IGF2BP3: variants seen among roughly 807,000 people sequenced by gnomAD.
IGF2BP3 encodes insulin like growth factor 2 mRNA binding protein 3, also known as insulin-like growth factor 2 mRNA-binding protein 3.
In IGF2BP3, 9 loss-of-function variants were observed where a neutral mutation model predicts 73.8. The ratio of observed to expected loss-of-function variants is 0.12; its 90% CI spans 0.07 to 0.21. The LOEUF is 0.21. Among genes scored for constraint, IGF2BP3 ranks in the 10% least tolerant of loss-of-function variants. The probability of loss-of-function intolerance (pLI) is 1.00; values close to 1 mark genes in which losing one functional copy is unlikely to be tolerated. For synonymous variants in IGF2BP3, 258 were observed against 256.7 expected (o/e 1.01, Z -0.05); for missense variants, 542 against 714.0 (o/e 0.76, Z 2.75).
At chr7:23,411,477 G>A (rs1341890105) in intron 3 of IGF2BP3, among the ~76,000 whole-genome samples, 1 of 152,144 alleles carries the variant, frequency 6.6e-6, no homozygotes, top group Non-Finnish European at 1.5e-5. Flanking sequence ...AGCTACTCAG[G>A]AGGCTGAGGC....
chr7:23,413,090 C>T (rs1252689416), intron 3 of IGF2BP3, among the ~76,000 whole-genome samples: 2 of 151,180 alleles, frequency 1.3e-5, no homozygotes, highest in Non-Finnish European at 3.0e-5. Context: ...GATCTCCTGA[C>T]CTCAAGTGAC....
intron 3 of IGF2BP3, among the ~76,000 whole-genome samples, chr7:23,389,414 C>T (rs887721699): frequency 1.3e-5 from 2 of 152,120 alleles, no homozygotes; most frequent in African/African-American, 4.8e-5. Context: ...CCCACCTCAG[C>T]CTCCCAAAGT....
chr7:23,428,799 T>C, intron 2 of IGF2BP3, among the ~76,000 whole-genome samples: 1 of 151,642 alleles, frequency 6.6e-6, no homozygotes. Flanking sequence ...GGACCTGACA[T>C]TGCCCAAAGA....
intron 3 of IGF2BP3, among the ~76,000 whole-genome samples, chr7:23,372,471 C>G (rs1195885081): frequency 6.6e-6 from 1 of 152,144 alleles, no homozygotes; most frequent in Non-Finnish European, 1.5e-5. Context: ...TTATACCTCA[C>G]CCTCCTCCCA....
chr7:23,362,311 T>A (rs540618285), intron 3 of IGF2BP3, among the ~76,000 whole-genome samples: 1 of 152,296 alleles, frequency 6.6e-6, no homozygotes, highest in South Asian at 2.1e-4. Context: ...AGATGTTCTT[T>A]TCCAAAGGAC....
intron 5 of IGF2BP3, among the ~76,000 whole-genome samples, chr7:23,354,431 G>A (rs1785042043): frequency 6.6e-6 from 1 of 152,210 alleles, no homozygotes; most frequent in Non-Finnish European, 1.5e-5. Context: ...ATGGCGTATT[G>A]CCAGCTTCAG....
At chr7:23,331,142 T>C (rs1254722626) in intron 10 of IGF2BP3, among the ~76,000 whole-genome samples, 3 of 152,210 alleles carry the variant, frequency 2.0e-5, no homozygotes, top group Non-Finnish European at 2.9e-5. Flanking sequence ...TATACTAAGA[T>C]GATTTCTTCC....
At chr7:23,312,919 G>A (rs1011312796) in intron 13 of IGF2BP3, 71 bp from the exon 14 acceptor site, 41 of 879,338 alleles carry the variant, frequency 4.7e-5, no homozygotes, top group African/African-American at 2.7e-4. Context: ...CTTACTGTGC[G>A]CCAGACAGTG....
chr7:23,348,259 T>C (rs1386718646), intron 6 of IGF2BP3, among the ~76,000 whole-genome samples: 1 of 152,220 alleles, frequency 6.6e-6, no homozygotes, highest in African/African-American at 2.4e-5. Context: ...GTGATAGGAA[T>C]GGAACCTGGA....
At chr7:23,442,160 T>C (rs1290112509) in intron 2 of IGF2BP3, among the ~76,000 whole-genome samples, 2 of 152,252 alleles carry the variant, frequency 1.3e-5, no homozygotes, top group Non-Finnish European at 1.5e-5. Flanking sequence ...AATTTTTCTC[T>C]TTCAAAATTG....
At chr7:23,382,811 T>C (rs546427411) in intron 3 of IGF2BP3, among the ~76,000 whole-genome samples, 18 of 126,246 alleles carry the variant, frequency 1.4e-4, no homozygotes, top group African/African-American at 5.3e-4. Flanking sequence ...AACGCAGGGG[T>C]GGAGGGGTAA....
At chr7:23,334,983 T>C (rs1180074721) in intron 10 of IGF2BP3, among the ~76,000 whole-genome samples, 6 of 151,592 alleles carry the variant, frequency 4.0e-5, no homozygotes, top group Admixed American at 6.6e-5. Context: ...TGGGTTTTTT[T>C]GTTGTTGTTT....
At chr7:23,388,984 C>G (rs1050975795) in intron 3 of IGF2BP3, among the ~76,000 whole-genome samples, 1 of 152,156 alleles carries the variant, frequency 6.6e-6, no homozygotes, top group Non-Finnish European at 1.5e-5. Context: ...ACTCACACAT[C>G]ATAGGTAAAT....
rs991113093 is a variant in IGF2BP3, at chr7:23,433,227, CATT to C, written c.237-14406_237-14404del. Among the ~76,000 whole-genome samples, 135 of 152,062 alleles carry C rather than the reference CATT, an allele frequency of 8.9e-4. 1 individual carries two copies. The highest frequency in any genetic ancestry group is 7.0e-3 in the East Asian group (36 of 5,178). On this transcript the variant is annotated intron_variant, in intron 2 of 14. Coordinates refer to ENST00000258729, the MANE Select transcript of IGF2BP3 (RefSeq NM_006547.3). ...TAGCTAAAACTAGTTTTATAAATAT[CATT>C]ATATTTTTTTCCCAGCAACAAGATA...
chr7:23,383,228 T>A (rs1785969904), intron 3 of IGF2BP3, among the ~76,000 whole-genome samples: 1 of 152,228 alleles, frequency 6.6e-6, no homozygotes, highest in African/African-American at 2.4e-5. Flanking sequence ...CTGATGGATT[T>A]AGATGTTTAC....
chr7:23,378,865 C>T (rs575867194), intron 3 of IGF2BP3, among the ~76,000 whole-genome samples: 60 of 152,176 alleles, frequency 3.9e-4, no homozygotes, highest in African/African-American at 1.4e-3. Context: ...AGCCACCGTG[C>T]CTGGCCTTCT....
intron 10 of IGF2BP3, among the ~76,000 whole-genome samples, chr7:23,340,861 TTTTTC>T (rs1461679240): frequency 8.8e-5 from 13 of 147,096 alleles, no homozygotes; most frequent in East Asian, 3.9e-4. Context: ...TTTTTTTTTT[TTTTTC>T]CCAGACAGAG....
intron 2 of IGF2BP3, among the ~76,000 whole-genome samples, chr7:23,458,685 C>G (rs1238080497): frequency 6.6e-6 from 1 of 152,064 alleles, no homozygotes; most frequent in East Asian, 1.9e-4. Flanking sequence ...CACATTGAAA[C>G]AAAAAAAGTC....
At chr7:23,329,362 T>C (rs999941492) in intron 10 of IGF2BP3, among the ~76,000 whole-genome samples, 2 of 152,238 alleles carry the variant, frequency 1.3e-5, no homozygotes, top group African/African-American at 4.8e-5. Context: ...CACAGTTGAT[T>C]TACCTCACCT....
Sources: gnomAD v4.1 joint callset for allele counts (sites outside exome capture counted in the v4.1 genomes callset) on GRCh38, gnomAD v4.1.1 for gene constraint, MANE v1.5 for transcripts, NCBI Gene and HGNC (gene_info 2026-07-23, HGNC 2026-07-21) for gene names.